The following RPAP1 variants were observed in gnomAD, a reference collection of about 807,000 sequenced individuals.
RPAP1 encodes the protein RNA polymerase II-associated protein 1.
In RPAP1, 109 loss-of-function variants were observed where a neutral mutation model predicts 142.4. The observed-to-expected ratio is 0.77, with a 90% CI of 0.66 to 0.90. RPAP1 has a LOEUF of 0.90. Among genes scored for constraint, RPAP1 ranks in the 40% least tolerant of loss-of-function variants. The pLI, the probability that RPAP1 is intolerant of heterozygous loss-of-function variation, is 0.00. For synonymous variants in RPAP1, 704 were observed against 738.9 expected (o/e 0.95, Z 0.77); for missense variants, 1,546 against 1,751.7 (o/e 0.88, Z 2.10).
chr15:41,522,476 C>G (rs559485636), intron 19 of RPAP1: 4 of 572,504 alleles, frequency 7.0e-6, no homozygotes, highest in Non-Finnish European at 1.2e-5. Context: ...CCGCAGCCTC[C>G]GCCTCCCGGG....
At chr15:41,543,402 G>A (rs1294905199) in intron 1 of RPAP1, among the ~76,000 whole-genome samples, 1 of 151,570 alleles carries the variant, frequency 6.6e-6, no homozygotes. Flanking sequence ...TAGTACAGAC[G>A]GGGTTTCACC....
chr15:41,541,888 TTCA>T, intron 1 of RPAP1, among the ~76,000 whole-genome samples: 1 of 152,242 alleles, frequency 6.6e-6, no homozygotes, highest in Non-Finnish European at 1.5e-5. Context: ...TTACTTTTTC[TTCA>T]TCTACTTCTA....
chr15:41,524,202 T>C lies in RPAP1; in HGVS notation c.2128A>G (p.Ser710Gly). 6.3e-7 allele frequency: 1 copy of C among 1,576,236 alleles called. No homozygotes were observed. Among genetic ancestry groups the C allele is most frequent in the Middle Eastern group, 1.7e-4 (1 of 5,890 alleles). ...RALQVVPRELSTHPPQPLSMQ... is the reference protein window; with the variant it reads ...RALQVVPRELGTHPPQPLSMQ... ...GACAGGGGTTGAGGTGGGTGGGTGC[T>C]GAGCTCCCGCGGCACCACCTGCAAG... is the stretch of plus-strand genomic sequence containing the variant. The change falls in exon 16 of 25, where the codon AGC becomes GGC. Residue 710 changes from serine (S) to glycine (G), a missense_variant. By Grantham distance (56) the Ser-to-Gly change is moderately conservative. Around this residue, in one of 3 missense-constraint regions of RPAP1, gnomAD observed 1,333 missense variants for 1,486.6 expected, o/e 0.90. Coordinates refer to ENST00000304330, the MANE Select transcript of RPAP1 (RefSeq NM_015540.4).
intron 12 of RPAP1, 51 bp from the exon 13 acceptor site, chr15:41,527,352 A>G (rs912877826): frequency 3.1e-6 from 5 of 1,613,080 alleles, no homozygotes; most frequent in Non-Finnish European, 3.4e-6. Context: ...GACCCTGGGC[A>G]TTGATGGCCC....
intron 14 of RPAP1, 151 bp downstream of exon 14, chr15:41,526,747 G>T: frequency 1.3e-6 from 1 of 792,202 alleles, no homozygotes; most frequent in Non-Finnish European, 2.0e-6. Flanking sequence ...ACAGGTTCAT[G>T]CCTGGTGATT....
Position 41,531,140 on chromosome 15 carries a change from CTG to C in RPAP1, c.824_825del (p.Thr275SerfsTer3). 1 of 1,614,018 alleles carries C rather than the reference CTG, an allele frequency of 6.2e-7. No individual in the cohort carries two copies. The highest frequency in any genetic ancestry group is 8.5e-7 in the Non-Finnish European group (1 of 1,179,938). Reference sequence around the variant, plus strand: ...CCTCCTGGCCTCTGCTCCTCAGAGGCTGTCTCTCCTGTTTGCTCTTGCGTGTG... The same window carrying C: ...CCTCCTGGCCTCTGCTCCTCAGAGGCTCTCTCCTGTTTGCTCTTGCGTGTG... Reference protein sequence around the residue: ...HSHTQEQTGETASEEQRPGGP... With the variant: ...HSHTQEQTGEXASEEQRPGGP... On this transcript the variant is annotated frameshift_variant, in exon 7 of 25. Coordinates refer to ENST00000304330, the MANE Select transcript of RPAP1 (RefSeq NM_015540.4). LOFTEE classifies it high-confidence loss of function.
In RPAP1 at chr15:41,535,638, G is replaced by A. The variant is rs1357426008; in HGVS notation, c.421-6C>T. On this transcript the variant is annotated splice_polypyrimidine_tract_variant and splice_region_variant and intron_variant, in intron 4 of 24. Transcript: ENST00000304330. ...CCAGATGTTGCTGATTTCCCCTGTG[G>A]GGCAAAAAGAAAACCCAGGTTACTG... The A allele has an allele frequency of 1.2e-6, 2 of 1,607,922 alleles. No homozygotes were observed. The highest frequency in any genetic ancestry group is 1.7e-6 in the Non-Finnish European group (2 of 1,178,258).
intron 6 of RPAP1, among the ~76,000 whole-genome samples, chr15:41,531,965 C>T (rs2051856626): frequency 1.3e-5 from 2 of 151,974 alleles, no homozygotes; most frequent in African/African-American, 2.4e-5. Context: ...AAGCAATCCT[C>T]CCGCCTCAGC....
Position 41,534,711 on chromosome 15 carries a change from T to C in RPAP1, c.763+3A>G, listed in dbSNP as rs2051889818. 4 of 1,507,336 alleles carry C rather than the reference T, an allele frequency of 2.7e-6. No homozygotes were observed. Among genetic ancestry groups the C allele is most frequent in the Non-Finnish European group, 3.6e-6 (4 of 1,112,080 alleles). The allele number at this position is 1,507,336 out of a possible 1,614,324, so 93.4% of individuals were successfully genotyped here. A position where few individuals can be genotyped will look rare whatever the true frequency, so the allele number is the denominator to read the frequency against. On this transcript the variant is annotated splice_donor_region_variant and intron_variant, in intron 6 of 24. Transcript: ENST00000304330. ...TCTCAGCAGGAAAGCCAGGCACCCA[T>C]ACCAAGCTGGGCCAGCAACCGCTGC...
rs115342023 is a variant in RPAP1, at chr15:41,520,242, G to C, written c.3795+149C>G. On this transcript the variant is annotated intron_variant, in intron 22 of 24. Transcript: ENST00000304330. The stretch of plus-strand genomic sequence containing the variant: ...AGCCACCACACCCAGCCCATGTTAA[G>C]CCCTTTTCATTGATTCTCTTAATCC... 69 of 849,398 alleles carry C rather than the reference G, an allele frequency of 8.1e-5. 1 individual carries two copies. In the African/African-American group the frequency reaches 1.1e-3, roughly 13 times the overall value. The allele number at this position is 849,398 out of a possible 1,614,324, so 52.6% of individuals were successfully genotyped here.
At chr15:41,536,319 TG>T in intron 3 of RPAP1, 101 bp from the exon 4 acceptor site, 5 of 1,340,262 alleles carry the variant, frequency 3.7e-6, no homozygotes, top group Non-Finnish European at 5.3e-6. Flanking sequence ...AACCTCACTC[TG>T]GGGGGTTACG....
intron 2 of RPAP1, 109 bp downstream of exon 2, chr15:41,536,836 C>T: frequency 7.1e-7 from 1 of 1,416,182 alleles, no homozygotes; most frequent in Non-Finnish European, 9.7e-7. Flanking sequence ...ACAGGCTATG[C>T]AGTGTCTGAA....
rs376676097 is a variant in RPAP1, at chr15:41,520,417, G to T, written c.3769C>A (p.Arg1257=). 1.2e-6 allele frequency: 2 copies of T among 1,613,614 alleles called. No individual in the cohort carries two copies. Among genetic ancestry groups the T allele is most frequent in the Admixed American group, 1.7e-5 (1 of 60,008 alleles). Residue 1257 remains arginine (R), a synonymous_variant, in exon 22 of 25, where the codon CGA becomes AGA. Coordinates refer to ENST00000304330, the MANE Select transcript of RPAP1 (RefSeq NM_015540.4). ...ALFGEHVGAL[R]ALSLPLTQLP... ...TGGGTCAGAGGCAGGCTCAGAGCTC[G>T]CAAGGCTCCCACGTGTTCCCCAAAG...
chr15:41,535,007 T>C, intron 5 of RPAP1, 72 bp from the exon 6 acceptor site: 3 of 1,411,044 alleles, frequency 2.1e-6, no homozygotes, highest in Non-Finnish European at 2.9e-6. Context: ...GGCCTTCTTC[T>C]ATAAGGCTAT....
rs745468932 is a variant in RPAP1, at chr15:41,518,071, C to T, written c.3907G>A (p.Val1303Met). The change falls in exon 23 of 25, where the codon GTG becomes ATG. Residue 1303 changes from valine (V) to methionine (M), a missense_variant. Around this residue, in one of 3 missense-constraint regions of RPAP1, gnomAD observed 210 missense variants for 248.0 expected, o/e 0.85. Transcript: ENST00000304330. ...TGALRPRWCP[V>M]LYAVAVAHVN... ...TGAGCCACAGCCACAGCATAGAGCA[C>T]GGGGCACCAACGTGGGCGGAGCGCA... The T allele has an allele frequency of 5.0e-6, 8 of 1,612,764 alleles. No homozygotes were observed. The highest frequency in any genetic ancestry group is 1.3e-5 in the African/African-American group (1 of 74,834).
At chr15:41,531,892 G>A (rs1363742671) in intron 6 of RPAP1, among the ~76,000 whole-genome samples, 2 of 151,640 alleles carry the variant, frequency 1.3e-5, no homozygotes, top group African/African-American at 2.4e-5. Flanking sequence ...GTCTTGCTCT[G>A]TTACCCATGC....
In RPAP1 at chr15:41,523,846, C is replaced by T. The variant is rs1029621611; in HGVS notation, c.2361G>A (p.Met787Ile). The change falls in exon 17 of 25, where the codon ATG (methionine) becomes ATA (isoleucine). Residue 787 changes from methionine (M) to isoleucine (I), a missense_variant. By Grantham distance (10) the Met-to-Ile change is conservative. This residue lies in a region of RPAP1 where 1,333 missense variants were observed against 1,486.6 expected (regional missense o/e 0.90). Coordinates refer to ENST00000304330, the MANE Select transcript of RPAP1 (RefSeq NM_015540.4). ...CGGGCACTGGGCCCACGGCTCTCCA[C>T]ATCTCAGGTCTGGACAGCAACTTCA... is the stretch of plus-strand genomic sequence containing the variant. Reference protein sequence around the residue: ...QTLKLLSRPEMWRAVGPVPVA... With the variant: ...QTLKLLSRPEIWRAVGPVPVA... 6 of 1,609,434 alleles carry T rather than the reference C, an allele frequency of 3.7e-6. No homozygotes were observed. Among genetic ancestry groups the T allele is most frequent in the African/African-American group, 1.3e-5 (1 of 74,846 alleles).
At position 41,536,158 on chromosome 15, in the gene RPAP1, C is replaced by T. The variant is rs1254777679; in HGVS notation, c.391G>A (p.Ala131Thr). Residue 131 changes from alanine to threonine, a missense_variant, in exon 4 of 25, where the codon GCT becomes ACT. Physicochemically the swap from Ala to Thr is moderately conservative, Grantham distance 58. Transcript: ENST00000304330. ...LPVPSGVAFPAVFLRSRDTQG... is the reference protein window; with the variant it reads ...LPVPSGVAFPTVFLRSRDTQG... ...GTGTCCCGCGAGCGAAGGAACACAG[C>T]AGGGAAAGCAACACCACTGGGCACA... 5 of 1,614,148 alleles carry T rather than the reference C, an allele frequency of 3.1e-6. No individual in the cohort carries two copies. In the South Asian group the frequency reaches 5.5e-5, roughly 18 times the overall value.
At position 41,526,931 on chromosome 15, in the gene RPAP1, C is replaced by T. The variant is rs767558317; in HGVS notation, c.1884G>A (p.Leu628=). The T allele has an allele frequency of 3.7e-6, 6 of 1,613,778 alleles. No homozygotes were observed. Among genetic ancestry groups the T allele is most frequent in the Non-Finnish European group, 5.1e-6 (6 of 1,179,828 alleles). The change falls in exon 14 of 25, where the codon CTG becomes CTA. Residue 628 remains leucine (L), a synonymous_variant. Coordinates refer to ENST00000304330, the MANE Select transcript of RPAP1 (RefSeq NM_015540.4). ...CAGCAATATTCCTCCCAGCTGAGGCCAGGACACGAAGTAGTTTCATGGCAG... is the reference window on the plus strand; with the variant it reads ...CAGCAATATTCCTCCCAGCTGAGGCTAGGACACGAAGTAGTTTCATGGCAG... The part of the protein sequence containing the change: ...CATAMKLLRV[L]ASAGRNIAAR...
Sources: gnomAD v4.1 joint callset for allele counts (sites outside exome capture counted in the v4.1 genomes callset) on GRCh38, gnomAD v4.1.1 for gene constraint, gnomAD v4.1.1 regional missense constraint, MANE v1.5 for transcripts, NCBI Gene and HGNC (gene_info 2026-07-23, HGNC 2026-07-21) for gene names.